RGS22: variants seen among roughly 807,000 people sequenced by gnomAD.
The protein encoded by RGS22 is regulator of G protein signaling 22, also known as regulator of G-protein signaling 22.
Under a neutral mutation model 172.9 loss-of-function variants are expected in RGS22, and 148 were observed. The observed-to-expected ratio is 0.86, with a 90% CI of 0.75 to 0.98. The LOEUF (loss-of-function observed/expected upper bound fraction) is 0.98, where lower values mean the gene tolerates loss of function less well. Ranked by LOEUF, RGS22 falls within the 50% of genes least tolerant of loss-of-function variation. RGS22 has a pLI of 0.00. For missense variants in RGS22, 1,347 were observed against 1,440.8 expected (o/e 0.93, Z 1.05); for synonymous variants, 458 against 480.2 (o/e 0.95, Z 0.60).
intron 9 of RGS22, among the ~76,000 whole-genome samples, chr8:100,058,066 C>G (rs1175506094): frequency 6.6e-6 from 1 of 151,152 alleles, no homozygotes; most frequent in Non-Finnish European, 1.5e-5. Flanking sequence ...CTGAAAAATG[C>G]AACTCACATT....
At chr8:100,067,564 A>C (rs1810620052) in intron 6 of RGS22, among the ~76,000 whole-genome samples, 1 of 152,006 alleles carries the variant, frequency 6.6e-6, no homozygotes, top group African/African-American at 2.4e-5. Context: ...GACACAGGAG[A>C]GAAAGAAGTC....
Position 100,105,373 on chromosome 8 carries a change from C to CA in RGS22, c.54dup (p.Glu19Ter). ...AAATAGCCCCTTGAAATGATACTTA[C>CA]AAATTCTTCTTCTGTAATAGTTGGT... is the stretch of plus-strand genomic sequence containing the variant. On this transcript the variant is annotated frameshift_variant and splice_region_variant. Coordinates refer to ENST00000360863, the MANE Select transcript of RGS22 (RefSeq NM_015668.5). LOFTEE classifies it high-confidence loss of function. The CA allele has an allele frequency of 1.2e-6, 2 of 1,607,324 alleles. No individual in the cohort carries two copies. The highest frequency in any genetic ancestry group is 1.7e-6 in the Non-Finnish European group (2 of 1,174,224).
intron 2 of RGS22, among the ~76,000 whole-genome samples, chr8:100,104,341 T>TGC (rs1813746561): frequency 6.9e-6 from 1 of 145,110 alleles, no homozygotes; most frequent in Non-Finnish European, 1.5e-5. Flanking sequence ...TGTGTGTGTG[T>TGC]GTGTGTGTGT....
chr8:99,964,507 C>T (rs538020854), intron 24 of RGS22, among the ~76,000 whole-genome samples: 1 of 150,102 alleles, frequency 6.7e-6, no homozygotes, highest in Non-Finnish European at 1.5e-5. Context: ...AAAGCAGCAG[C>T]CTGATATCTC....
At chr8:99,976,201 T>TA (rs947677014) in intron 23 of RGS22, among the ~76,000 whole-genome samples, 2 of 151,040 alleles carry the variant, frequency 1.3e-5, no homozygotes, top group African/African-American at 2.4e-5. Flanking sequence ...AGAAATAAAA[T>TA]AAAAAAAATA....
intron 10 of RGS22, chr8:100,051,038 TG>T (rs1341146469): frequency 6.6e-6 from 1 of 152,160 alleles, no homozygotes; most frequent in Non-Finnish European, 1.5e-5. Context: ...TGCTATTCTA[TG>T]TAAGTGTGCT....
Position 99,965,443 on chromosome 8 carries a change from TA to T in RGS22, c.3520-14del. The T allele has an allele frequency of 6.6e-7, 1 of 1,520,282 alleles. No individual in the cohort carries two copies. The highest frequency in any genetic ancestry group is 2.4e-5 in the East Asian group (1 of 42,366). The allele number at this position is 1,520,282 out of a possible 1,614,324, so 94.2% of individuals were successfully genotyped here. On this transcript the variant is annotated splice_polypyrimidine_tract_variant and intron_variant, in intron 23 of 27. Coordinates refer to ENST00000360863, the MANE Select transcript of RGS22 (RefSeq NM_015668.5). ...GTTTGATTCCATCCTGTAATTATAT[TA>T]AATTAAATTATTACCCAGAAAAGAT...
intron 11 of RGS22, among the ~76,000 whole-genome samples, chr8:100,045,221 T>G (rs780417011): frequency 6.6e-6 from 1 of 151,136 alleles, no homozygotes; most frequent in Non-Finnish European, 1.5e-5. Flanking sequence ...CTGCACGCCA[T>G]AGCACTCCAG....
chr8:99,966,108 G>C (rs972573053), intron 23 of RGS22, among the ~76,000 whole-genome samples: 1 of 152,140 alleles, frequency 6.6e-6, no homozygotes, highest in African/African-American at 2.4e-5. Flanking sequence ...TTAGAAAAAG[G>C]ATGTATCATA....
chr8:99,996,592 T>A (rs1008021862), intron 19 of RGS22, 62 bp from the exon 20 acceptor site: 17 of 1,300,282 alleles, frequency 1.3e-5, no homozygotes, highest in Non-Finnish European at 1.9e-5. Context: ...AATCATTTAC[T>A]AATTAAGTAG....
intron 10 of RGS22, among the ~76,000 whole-genome samples, chr8:100,052,074 AATGTTT>A (rs1563672525): frequency 1.0e-5 from 1 of 98,746 alleles, no homozygotes; most frequent in East Asian, 3.0e-4. Flanking sequence ...TTTATATATA[AATGTTT>A]ATATATATTT....
At chr8:100,099,853 G>A (rs1291272369) in intron 2 of RGS22, among the ~76,000 whole-genome samples, 1 of 152,172 alleles carries the variant, frequency 6.6e-6, no homozygotes. Flanking sequence ...ACAGGAGAAC[G>A]TAGGGGTAGT....
chr8:100,083,238 G>A (rs1266082826), intron 3 of RGS22, among the ~76,000 whole-genome samples: 2 of 152,192 alleles, frequency 1.3e-5, no homozygotes, highest in Non-Finnish European at 2.9e-5. Flanking sequence ...TGGGGAGACT[G>A]GCTGTTATCT....
At chr8:100,005,127 T>C (rs1230074424) in intron 16 of RGS22, among the ~76,000 whole-genome samples, 6 of 152,128 alleles carry the variant, frequency 3.9e-5, no homozygotes, top group African/African-American at 1.4e-4. Flanking sequence ...GCTACCTTTA[T>C]GGATTTTTAT....
intron 2 of RGS22, among the ~76,000 whole-genome samples, chr8:100,102,346 G>C (rs1563736806): frequency 6.6e-6 from 1 of 152,180 alleles, no homozygotes; most frequent in Non-Finnish European, 1.5e-5. Flanking sequence ...CTTAATTTGG[G>C]ATAGCAATGG....
chr8:99,993,126 G>C (rs1462077993), intron 20 of RGS22, among the ~76,000 whole-genome samples: 1 of 152,168 alleles, frequency 6.6e-6, no homozygotes, highest in Non-Finnish European at 1.5e-5. Context: ...AGTGTGTAGA[G>C]GGAAATTTAT....
intron 9 of RGS22, among the ~76,000 whole-genome samples, chr8:100,058,952 C>T (rs930380365): frequency 6.6e-6 from 1 of 152,116 alleles, no homozygotes; most frequent in Non-Finnish European, 1.5e-5. Context: ...AGCACCTTTT[C>T]AAGACATAGA....
intron 20 of RGS22, among the ~76,000 whole-genome samples, chr8:99,994,262 C>G (rs1814101447): frequency 6.6e-6 from 1 of 152,108 alleles, no homozygotes; most frequent in Non-Finnish European, 1.5e-5. Context: ...AAGTTCTGAC[C>G]AGGGCAATCA....
At chr8:99,968,361 C>G (rs950425892) in intron 23 of RGS22, among the ~76,000 whole-genome samples, 1 of 151,996 alleles carries the variant, frequency 6.6e-6, no homozygotes, top group South Asian at 2.1e-4. Context: ...AGCAAGGGCA[C>G]AAAACGGGAT....
Sources: allele counts gnomAD v4.1 joint callset (sites outside exome capture counted in the v4.1 genomes callset), GRCh38; gene constraint gnomAD v4.1.1; transcripts MANE v1.5; gene names NCBI Gene and HGNC (gene_info 2026-07-23, HGNC 2026-07-21).